Variants in CADPS2 observed in about 807,000 individuals in gnomAD.
CADPS2 encodes calcium dependent secretion activator 2, also known as calcium-dependent secretion activator 2.
A neutral mutation model predicts 172.5 loss-of-function variants in CADPS2; 93 were observed. The observed-to-expected ratio is 0.54, with a 90% CI of 0.46 to 0.64. CADPS2 has a LOEUF of 0.64. Ranked by LOEUF, CADPS2 falls within the 30% of genes least tolerant of loss-of-function variation. CADPS2 has a pLI of 0.00. For synonymous variants in CADPS2, 546 were observed against 555.2 expected (o/e 0.98, Z 0.23); for missense variants, 1,420 against 1,565.9 (o/e 0.91, Z 1.57).
At chr7:122,461,741 C>T (rs1242578001) in intron 14 of CADPS2, among the ~76,000 whole-genome samples, 3 of 152,088 alleles carry the variant, frequency 2.0e-5, no homozygotes, top group African/African-American at 4.8e-5. Flanking sequence ...ACGACAGGTG[C>T]GTGGCACCAT....
intron 1 of CADPS2, among the ~76,000 whole-genome samples, chr7:122,845,972 C>T (rs1369459567): frequency 5.3e-5 from 8 of 152,132 alleles, no homozygotes; most frequent in Non-Finnish European, 8.8e-5. Context: ...GTTAAAATCA[C>T]ATCAAAGAGG....
At chr7:122,417,148 T>C (rs1254946497) in intron 17 of CADPS2, among the ~76,000 whole-genome samples, 1 of 152,174 alleles carries the variant, frequency 6.6e-6, no homozygotes, top group Non-Finnish European at 1.5e-5. Context: ...AGCCTTAAAT[T>C]TGGAGGAGAC....
At chr7:122,399,656 GTTTCTTTTTTT>G (rs1563239246) in intron 20 of CADPS2, among the ~76,000 whole-genome samples, 1 of 94,548 alleles carries the variant, frequency 1.1e-5, no homozygotes, top group African/African-American at 3.6e-5. Context: ...TCAAGGGTGG[GTTTCTTTTTTT>G]TTTTTTTTTT....
chr7:122,760,408 A>T (rs903402245), intron 1 of CADPS2, among the ~76,000 whole-genome samples: 6 of 152,152 alleles, frequency 3.9e-5, no homozygotes, highest in Non-Finnish European at 8.8e-5. Context: ...CACTAAAAGT[A>T]AACATTTTTA....
chr7:122,556,673 T>C, intron 7 of CADPS2, among the ~76,000 whole-genome samples: 1 of 152,136 alleles, frequency 6.6e-6, no homozygotes, highest in East Asian at 1.9e-4. Flanking sequence ...CCACATTTTA[T>C]TTTTTGATGG....
At chr7:122,806,456 C>A (rs1009919875) in intron 1 of CADPS2, among the ~76,000 whole-genome samples, 1 of 152,168 alleles carries the variant, frequency 6.6e-6, no homozygotes, top group Non-Finnish European at 1.5e-5. Context: ...TTAGTTACTT[C>A]ACTATATTGG....
intron 1 of CADPS2, among the ~76,000 whole-genome samples, chr7:122,839,909 A>G (rs1191370709): frequency 3.3e-5 from 5 of 152,326 alleles, no homozygotes; most frequent in Admixed American, 3.3e-4. Flanking sequence ...ATACCATTTG[A>G]CCCAGCCATC....
intron 18 of CADPS2, among the ~76,000 whole-genome samples, 173 bp downstream of exon 18, chr7:122,415,888 G>T (rs952756022): frequency 6.6e-6 from 1 of 152,240 alleles, no homozygotes; most frequent in African/African-American, 2.4e-5. Flanking sequence ...TCTCATGTGT[G>T]AATGTGCAAT....
intron 16 of CADPS2, among the ~76,000 whole-genome samples, chr7:122,438,958 C>T (rs1460131462): frequency 6.6e-6 from 1 of 151,570 alleles, no homozygotes; most frequent in Non-Finnish European, 1.5e-5. Context: ...GACCTCTAAT[C>T]TCACTAAATT....
chr7:122,834,470 T>G (rs3123476), intron 1 of CADPS2, among the ~76,000 whole-genome samples: 66,714 of 151,776 alleles, frequency 0.44, 17,121 homozygotes, highest in African/African-American at 0.72. Flanking sequence ...CTGAGCGAGA[T>G]CCGAAGCAGG....
chr7:122,620,873 G>A (rs553474236), intron 5 of CADPS2, among the ~76,000 whole-genome samples: 1 of 151,918 alleles, frequency 6.6e-6, no homozygotes, highest in African/African-American at 2.4e-5. Context: ...TTCTACCCAC[G>A]TGCGTTTTGA....
chr7:122,857,146 A>G (rs1815480092), intron 1 of CADPS2, among the ~76,000 whole-genome samples: 1 of 152,218 alleles, frequency 6.6e-6, no homozygotes, highest in African/African-American at 2.4e-5. Context: ...AAAGCAAGAT[A>G]CAAAATTGTT....
chr7:122,881,710 G>A (rs1822979301), intron 1 of CADPS2, among the ~76,000 whole-genome samples: 1 of 152,138 alleles, frequency 6.6e-6, no homozygotes, highest in South Asian at 2.1e-4. Context: ...CTTCAACACT[G>A]CTAACTTGTC....
rs569891132 is a variant in CADPS2, at chr7:122,436,581, A to G, written c.2476+1760T>C. On this transcript the variant is annotated intron_variant, in intron 17 of 29. Transcript: ENST00000449022. ...GATGAAAAACATGGAAGTTTTTCTC[A>G]CCTAATGAGCAAGCATTTTGTTGTT... is the stretch of plus-strand genomic sequence containing the variant. Among the ~76,000 whole-genome samples, 20 of 152,066 alleles carry G rather than the reference A, an allele frequency of 1.3e-4. 2 individuals are homozygous for G. The South Asian group carries it at 3.9e-3, about 30-fold the overall frequency.
At chr7:122,371,416 G>C (rs2041746904) in intron 25 of CADPS2, among the ~76,000 whole-genome samples, 2 of 151,344 alleles carry the variant, frequency 1.3e-5, no homozygotes, top group African/African-American at 4.9e-5. Context: ...GCAGGATGGA[G>C]TGAGTGCAAG....
In CADPS2 at chr7:122,655,918, T is replaced by A. The variant is rs576406633; in HGVS notation, c.786+7319A>T. Among the ~76,000 whole-genome samples the A allele has an allele frequency of 9.2e-5, 14 of 152,242 alleles. No homozygotes were observed. The South Asian group carries it at 2.7e-3, about 29-fold the overall frequency. On this transcript the variant is annotated intron_variant, in intron 3 of 29. Coordinates refer to ENST00000449022, the MANE Select transcript of CADPS2 (RefSeq NM_017954.11). ...TTCAGACATATAAAGAGCTTGGAAG[T>A]CATCACTCCCATCCTCAGAATAAAA...
At chr7:122,721,007 G>A (rs967716133) in intron 2 of CADPS2, among the ~76,000 whole-genome samples, 6 of 151,980 alleles carry the variant, frequency 3.9e-5, no homozygotes, top group Admixed American at 2.0e-4. Flanking sequence ...AGCTTCATGA[G>A]AAATTCATGT....
intron 17 of CADPS2, 123 bp downstream of exon 17, chr7:122,438,218 G>C (rs1329812985): frequency 8.2e-7 from 1 of 1,222,806 alleles, no homozygotes; most frequent in Admixed American, 2.1e-5. Flanking sequence ...AGATTTTAAT[G>C]AGACATTTCC....
At chr7:122,782,127 T>A (rs762329317) in intron 1 of CADPS2, among the ~76,000 whole-genome samples, 11 of 152,198 alleles carry the variant, frequency 7.2e-5, no homozygotes, top group Non-Finnish European at 1.5e-4. Flanking sequence ...AGTGTGAGAA[T>A]AAAGAAAAGC....
Sources: allele counts gnomAD v4.1 joint callset (sites outside exome capture counted in the v4.1 genomes callset), GRCh38; gene constraint gnomAD v4.1.1; transcripts MANE v1.5; gene names NCBI Gene and HGNC (gene_info 2026-07-23, HGNC 2026-07-21).